The following EGFLAM variants were observed in gnomAD, a reference collection of about 807,000 sequenced individuals.
EGFLAM encodes the protein EGF like, fibronectin type III and laminin G domains.
Under a neutral mutation model 113.1 loss-of-function variants are expected in EGFLAM, and 79 were observed. The ratio of observed to expected loss-of-function variants is 0.70; its 90% CI spans 0.58 to 0.84. The LOEUF (loss-of-function observed/expected upper bound fraction) is 0.84. EGFLAM is among the 40% of genes least tolerant of loss of function. EGFLAM has a pLI of 0.00. For missense variants in EGFLAM, 1,265 were observed against 1,291.6 expected (o/e 0.98, Z 0.32); for synonymous variants, 504 against 487.6 (o/e 1.03, Z -0.44).
chr5:38,448,073 G>A (rs1436167399), intron 17 of EGFLAM, among the ~76,000 whole-genome samples: 2 of 152,150 alleles, frequency 1.3e-5, no homozygotes, highest in African/African-American at 4.8e-5. Context: ...GAGGCCAGAG[G>A]CAGGGACAAT....
intron 1 of EGFLAM, among the ~76,000 whole-genome samples, chr5:38,265,421 T>C (rs1757609121): frequency 6.6e-6 from 1 of 152,226 alleles, no homozygotes; most frequent in South Asian, 2.1e-4. Flanking sequence ...GATGTCTTGA[T>C]TGCAGCAGAA....
rs1741340852 is a variant in EGFLAM at position 38,407,830 on chromosome 5, C to G, written c.1173C>G (p.Phe391Leu). Residue 391 changes from phenylalanine to leucine, a missense_variant, in exon 9 of 22, where the codon TTC becomes TTG. Phe to Leu is a conservative substitution (Grantham distance 22). Transcript: ENST00000322350. The part of the protein sequence containing the change: ...SEDIVIQYPQ[F>L]FGHSYVTFEP... ...ATATTGTTATCCAGTATCCTCAGTTCTTTGGCCACTCCTATGTAACGTTTG... is the reference window on the plus strand; with the variant it reads ...ATATTGTTATCCAGTATCCTCAGTTGTTTGGCCACTCCTATGTAACGTTTG... The G allele has an allele frequency of 1.2e-6, 2 of 1,613,406 alleles. No homozygotes were observed. The highest frequency in any genetic ancestry group is 1.7e-6 in the Non-Finnish European group (2 of 1,179,446).
intron 1 of EGFLAM, among the ~76,000 whole-genome samples, chr5:38,283,536 G>T (rs1330804515): frequency 6.6e-6 from 1 of 152,154 alleles, no homozygotes. Flanking sequence ...GGCTGGCAGG[G>T]TACAATCTTA....
At chr5:38,457,357 C>G (rs2112282468) in intron 19 of EGFLAM, among the ~76,000 whole-genome samples, 2 of 152,266 alleles carry the variant, frequency 1.3e-5, no homozygotes, top group East Asian at 3.9e-4. Flanking sequence ...ATCCACCATG[C>G]AGTGCAAGGG....
chr5:38,316,664 C>T (rs868019208), intron 1 of EGFLAM, among the ~76,000 whole-genome samples: 5 of 152,108 alleles, frequency 3.3e-5, no homozygotes, highest in Admixed American at 3.3e-4. Flanking sequence ...GGGCTCAATT[C>T]CATGACACTC....
chr5:38,431,102 TG>T (rs1742172077), intron 14 of EGFLAM, 74 bp from the exon 15 acceptor site: 1 of 1,261,080 alleles, frequency 7.9e-7, no homozygotes, highest in Admixed American at 1.9e-5. Flanking sequence ...GAAATAATGT[TG>T]TACCAGCTAT....
intron 1 of EGFLAM, among the ~76,000 whole-genome samples, chr5:38,304,359 C>T (rs1758672103): frequency 6.6e-6 from 1 of 152,162 alleles, no homozygotes; most frequent in Admixed American, 6.5e-5. Context: ...CAATCCCCTC[C>T]CTCTTCCCAA....
intron 1 of EGFLAM, among the ~76,000 whole-genome samples, chr5:38,278,798 T>A (rs575917002): frequency 0.011 from 950 of 90,284 alleles, 8 homozygotes; most frequent in African/African-American, 0.051. Flanking sequence ...CTCTGGTCAA[T>A]GATTTTTTTT....
At chr5:38,331,246 C>T (rs1561281289) in intron 1 of EGFLAM, among the ~76,000 whole-genome samples, 1 of 152,160 alleles carries the variant, frequency 6.6e-6, no homozygotes, top group Admixed American at 6.5e-5. Flanking sequence ...TACATTGACA[C>T]ATCATTCTCA....
intron 14 of EGFLAM, among the ~76,000 whole-genome samples, chr5:38,428,454 C>G (rs527709333): frequency 6.6e-6 from 1 of 152,292 alleles, no homozygotes; most frequent in Admixed American, 6.5e-5. Flanking sequence ...CAAAAACATC[C>G]TATATTTCAA....
intron 10 of EGFLAM, 54 bp downstream of exon 10, chr5:38,409,158 T>A: frequency 7.2e-7 from 1 of 1,388,188 alleles, no homozygotes; most frequent in Non-Finnish European, 9.8e-7. Flanking sequence ...TCTTACATTA[T>A]ATTTGCCTTT....
intron 6 of EGFLAM, among the ~76,000 whole-genome samples, chr5:38,396,812 TC>T (rs1740973740): frequency 6.6e-6 from 1 of 152,192 alleles, no homozygotes; most frequent in African/African-American, 2.4e-5. Flanking sequence ...CAGCCGCTTC[TC>T]CCATTATGCT....
intron 1 of EGFLAM, among the ~76,000 whole-genome samples, chr5:38,335,107 T>C (rs1739149999): frequency 6.6e-6 from 1 of 152,198 alleles, no homozygotes; most frequent in African/African-American, 2.4e-5. Flanking sequence ...ACAAGAGCTC[T>C]GTTTTAAGAA....
intron 1 of EGFLAM, among the ~76,000 whole-genome samples, chr5:38,284,353 G>T (rs1187482643): frequency 6.6e-6 from 1 of 152,116 alleles, no homozygotes; most frequent in Non-Finnish European, 1.5e-5. Context: ...TACATATTTT[G>T]TTCACTTTTA....
At chr5:38,283,279 G>A (rs1345480140) in intron 1 of EGFLAM, among the ~76,000 whole-genome samples, 1 of 152,120 alleles carries the variant, frequency 6.6e-6, no homozygotes, top group African/African-American at 2.4e-5. Context: ...ATTACTGGAG[G>A]GGGAGGGGGG....
intron 10 of EGFLAM, among the ~76,000 whole-genome samples, chr5:38,411,409 C>A (rs1741472494): frequency 6.6e-6 from 1 of 151,096 alleles, no homozygotes; most frequent in African/African-American, 2.4e-5. Flanking sequence ...GCCTGGGCAA[C>A]AGAGCGAGAC....
At chr5:38,423,148 C>A (rs550136085) in intron 12 of EGFLAM, among the ~76,000 whole-genome samples, 1 of 152,312 alleles carries the variant, frequency 6.6e-6, no homozygotes, top group East Asian at 1.9e-4. Flanking sequence ...CCTCCTGCAC[C>A]ATTATTTTAG....
chr5:38,258,625 C>T lies in EGFLAM; in HGVS notation c.-130C>T. The T allele has an allele frequency of 9.6e-7, 1 of 1,040,614 alleles. No individual in the cohort carries two copies. The highest frequency in any genetic ancestry group is 1.4e-6 in the Non-Finnish European group (1 of 690,574). 64.5% of individuals were successfully genotyped at this position (1,040,614 alleles called of 1,614,324 possible). Reference sequence around the variant, plus strand: ...GAACTACCCGTGTTTCCGGGCCCAGCCCTCGCAGCCCCCCACCTCCTCGCC... The same window carrying T: ...GAACTACCCGTGTTTCCGGGCCCAGTCCTCGCAGCCCCCCACCTCCTCGCC... On this transcript the variant is annotated 5_prime_UTR_variant, in exon 1 of 22. Coordinates refer to ENST00000322350, the MANE Select transcript of EGFLAM (RefSeq NM_152403.4).
intron 1 of EGFLAM, among the ~76,000 whole-genome samples, chr5:38,296,488 G>A (rs1370049641): frequency 6.6e-6 from 1 of 152,036 alleles, no homozygotes; most frequent in Non-Finnish European, 1.5e-5. Flanking sequence ...TTTCTTTACA[G>A]TAGAATTCCA....
Sources: gnomAD v4.1 joint callset for allele counts (sites outside exome capture counted in the v4.1 genomes callset) on GRCh38, gnomAD v4.1.1 for gene constraint, MANE v1.5 for transcripts, NCBI Gene and HGNC (gene_info 2026-07-23, HGNC 2026-07-21) for gene names.